IL1F10: variants seen among roughly 807,000 people sequenced by gnomAD.
IL1F10 encodes the protein interleukin-1 family member 10.
A neutral mutation model predicts 13.1 loss-of-function variants in IL1F10; 13 were observed. The observed-to-expected ratio is 0.99, with a 90% CI of 0.64 to 1.57. IL1F10 has a LOEUF of 1.57. IL1F10 is among the 40% of genes most tolerant of loss of function. The pLI is 0.00. For synonymous variants in IL1F10, 78 were observed against 68.2 expected (o/e 1.14, Z -0.71); for missense variants, 191 against 184.1 (o/e 1.04, Z -0.22).
intron 4 of IL1F10, 119 bp from the exon 5 acceptor site, chr2:113,075,033 C>T: frequency 2.4e-6 from 3 of 1,234,486 alleles, no homozygotes; most frequent in Middle Eastern, 2.7e-4. Context: ...CTGCAGAAGG[C>T]AGTCCCTTGG....
intron 1 of IL1F10, among the ~76,000 whole-genome samples, chr2:113,069,276 G>T (rs1242520262): frequency 6.8e-6 from 1 of 146,366 alleles, no homozygotes; most frequent in African/African-American, 2.6e-5. Context: ...AGTCACTGTA[G>T]ATTCTAGAGC....
chr2:113,069,808 T>G (rs995712062), intron 1 of IL1F10, among the ~76,000 whole-genome samples: 1 of 152,090 alleles, frequency 6.6e-6, no homozygotes, highest in Admixed American at 6.5e-5. Context: ...CAGAAGGAGG[T>G]GAAATCTACA....
In IL1F10 at chr2:113,075,742, G is replaced by A. The variant is rs28928303; in HGVS notation, c.*378G>A. ...GAACGGATTCTCCTCTAGAGTCTCC[G>A]GAAGGAACACAGCTCTTGACACATG... On this transcript the variant is annotated 3_prime_UTR_variant, in exon 5 of 5. Transcript: ENST00000341010. The A allele has an allele frequency of 0.017, 2,625 of 158,038 alleles. 85 individuals are homozygous for A. The highest frequency in any genetic ancestry group is 0.059 in the African/African-American group (2,455 of 41,744). 9.8% of individuals were successfully genotyped at this position (158,038 alleles called of 1,614,324 possible). A position where few individuals can be genotyped will look rare whatever the true frequency, so the allele number is the denominator to read the frequency against.
In IL1F10 at chr2:113,074,321, T is replaced by A. The variant is rs201986456; in HGVS notation, c.33-8T>A. ...GAATGGGCCATCAGCACTGTCATACTGTTTCAGAATTAAATATGCAGACCA... is the reference window on the plus strand; with the variant it reads ...GAATGGGCCATCAGCACTGTCATACAGTTTCAGAATTAAATATGCAGACCA... On this transcript the variant is annotated splice_region_variant and splice_polypyrimidine_tract_variant and intron_variant, in intron 2 of 4. Transcript: ENST00000341010. The A allele has an allele frequency of 6.3e-7, 1 of 1,593,578 alleles. No individual in the cohort carries two copies. Among genetic ancestry groups the A allele is most frequent in the Middle Eastern group, 1.7e-4 (1 of 6,034 alleles).
At chr2:113,071,516 C>T (rs1685834243) in intron 1 of IL1F10, among the ~76,000 whole-genome samples, 1 of 152,210 alleles carries the variant, frequency 6.6e-6, no homozygotes, top group Non-Finnish European at 1.5e-5. Context: ...AGAATTTGCA[C>T]TTGTTAGTCC....
intron 2 of IL1F10, among the ~76,000 whole-genome samples, chr2:113,073,111 G>A (rs4145013): frequency 0.59 from 90,293 of 152,094 alleles, 28,053 homozygotes; most frequent in South Asian, 0.8. Context: ...CATGTCCTCT[G>A]TGCTGCTCCA....
At chr2:113,072,526 A>T in intron 1 of IL1F10, 185 bp from the exon 2 acceptor site, 1 of 537,346 alleles carries the variant, frequency 1.9e-6, no homozygotes, top group Non-Finnish European at 3.3e-6. Flanking sequence ...TCAGTCAGGG[A>T]GAGGCAGAGC....
At chr2:113,075,055 C>T (rs989087887) in intron 4 of IL1F10, 97 bp from the exon 5 acceptor site, 73 of 1,299,314 alleles carry the variant, frequency 5.6e-5, no homozygotes, top group Non-Finnish European at 7.4e-5. Context: ...TAAAAACCAG[C>T]CCTGTCAGGT....
intron 4 of IL1F10, 145 bp from the exon 5 acceptor site, chr2:113,075,007 C>T (rs1167966759): frequency 1.6e-6 from 2 of 1,219,216 alleles, no homozygotes; most frequent in East Asian, 2.3e-5. Flanking sequence ...GCACCAAGAC[C>T]CTTGCCCTCT....
chr2:113,068,936 G>A (rs1362272370), intron 1 of IL1F10, among the ~76,000 whole-genome samples: 1 of 152,176 alleles, frequency 6.6e-6, no homozygotes, highest in Non-Finnish European at 1.5e-5. Context: ...TCCCATGAAT[G>A]TATAGTGCTG....
chr2:113,075,598 G>A lies in IL1F10; in HGVS notation c.*234G>A. ...GTGGGCTCAGTTTAATCACAAGAAG[G>A]AGGCAGGAAGGGAGAGTCAGAGAGA... On this transcript the variant is annotated 3_prime_UTR_variant, in exon 5 of 5. Transcript: ENST00000341010. 1 of 342,670 alleles carries A rather than the reference G, an allele frequency of 2.9e-6. No homozygotes were observed. The highest frequency in any genetic ancestry group is 5.2e-6 in the Non-Finnish European group (1 of 190,682). 21.2% of individuals were successfully genotyped at this position (342,670 alleles called of 1,614,324 possible).
In IL1F10 at chr2:113,075,578, C is replaced by A; in HGVS notation, c.*214C>A. The stretch of plus-strand genomic sequence containing the variant: ...GACAATCCTGGGTTATCCTTGTGGG[C>A]TCAGTTTAATCACAAGAAGGAGGCA... On this transcript the variant is annotated 3_prime_UTR_variant, in exon 5 of 5. Coordinates refer to ENST00000341010, the MANE Select transcript of IL1F10 (RefSeq NM_173161.3). The A allele has an allele frequency of 2.7e-6, 1 of 369,384 alleles. No homozygotes were observed. The highest frequency in any genetic ancestry group is 4.8e-6 in the Non-Finnish European group (1 of 207,766). The allele number at this position is 369,384 out of a possible 1,614,324, so 22.9% of individuals were successfully genotyped here. A position where few individuals can be genotyped will look rare whatever the true frequency, so the allele number is the denominator to read the frequency against.
In IL1F10 at chr2:113,074,762, C is replaced by T. The variant is rs1343710968; in HGVS notation, c.158C>T (p.Thr53Ile). 1 of 1,613,840 alleles carries T rather than the reference C, an allele frequency of 6.2e-7. No homozygotes were observed. Residue 53 changes from threonine (T) to isoleucine (I), a missense_variant, in exon 4 of 5, where the codon ACC (threonine) becomes ATC (isoleucine). By Grantham distance (89) the Thr-to-Ile change is moderately conservative. Coordinates refer to ENST00000341010, the MANE Select transcript of IL1F10 (RefSeq NM_173161.3). ...CTTCCTAACAGAGGCTTGGCCCGCA[C>T]CAAGGTCCCCATTTTCCTGGGGATC... is the stretch of plus-strand genomic sequence containing the variant. ...CILPNRGLAR[T>I]KVPIFLGIQG...
chr2:113,068,487 C>T (rs1425880992), intron 1 of IL1F10, among the ~76,000 whole-genome samples: 1 of 152,124 alleles, frequency 6.6e-6, no homozygotes, highest in Non-Finnish European at 1.5e-5. Context: ...TAGAATTCTG[C>T]ATAAAATTTT....
chr2:113,074,555 G>A (rs1685899799), intron 3 of IL1F10, 141 bp downstream of exon 3: 10 of 1,085,202 alleles, frequency 9.2e-6, no homozygotes, highest in Non-Finnish European at 1.3e-5. Flanking sequence ...GCCTCTCCTA[G>A]CGAGGGGACA....
intron 4 of IL1F10, 72 bp from the exon 5 acceptor site, chr2:113,075,080 G>A (rs968910607): frequency 1.9e-5 from 27 of 1,426,184 alleles, no homozygotes; most frequent in Non-Finnish European, 2.6e-5. Flanking sequence ...TTTTGGCCAA[G>A]CCCCAGAGGC....
Position 113,074,300 on chromosome 2 carries a change from G to A in IL1F10, c.33-29G>A, listed in dbSNP as rs1341861958. On this transcript the variant is annotated intron_variant, in intron 2 of 4. Coordinates refer to ENST00000341010, the MANE Select transcript of IL1F10 (RefSeq NM_173161.3). ...GGGGCCAGTGGTGCATAAAGGGAATGGGCCATCAGCACTGTCATACTGTTT... is the reference window on the plus strand; with the variant it reads ...GGGGCCAGTGGTGCATAAAGGGAATAGGCCATCAGCACTGTCATACTGTTT... The A allele has an allele frequency of 1.1e-5, 15 of 1,422,110 alleles. No homozygotes were observed. The Admixed American group carries it at 2.0e-4, about 19-fold the overall frequency. 88.1% of individuals were successfully genotyped at this position (1,422,110 alleles called of 1,614,324 possible).
At position 113,072,692 on chromosome 2, in the gene IL1F10, C is replaced by T; in HGVS notation, c.-28-19C>T. 6.3e-7 allele frequency: 1 copy of T among 1,580,844 alleles called. No individual in the cohort carries two copies. The highest frequency in any genetic ancestry group is 1.1e-5 in the South Asian group (1 of 89,060). ...CACCCAGCCTCCTTTTCTAACTGCC[C>T]TTCTCTCCTCCCCATCAGTGAGGAC... On this transcript the variant is annotated intron_variant, in intron 1 of 4. Transcript: ENST00000341010.
At chr2:113,071,955 T>C (rs1558847285) in intron 1 of IL1F10, among the ~76,000 whole-genome samples, 2 of 152,260 alleles carry the variant, frequency 1.3e-5, no homozygotes, top group Non-Finnish European at 2.9e-5. Flanking sequence ...TGCTAAATTC[T>C]GGACTGGCCT....
Sources: gnomAD v4.1 joint callset for allele counts (sites outside exome capture counted in the v4.1 genomes callset) on GRCh38, gnomAD v4.1.1 for gene constraint, MANE v1.5 for transcripts, NCBI Gene and HGNC (gene_info 2026-07-23, HGNC 2026-07-21) for gene names.